BSN: variants seen among roughly 807,000 people sequenced by gnomAD.
BSN encodes the protein bassoon presynaptic cytomatrix protein.
A neutral mutation model predicts 264.8 loss-of-function variants in BSN; 57 were observed. The observed-to-expected ratio is 0.22, with a 90% confidence interval of 0.17 to 0.27. BSN has a LOEUF of 0.27. BSN is among the 10% of genes least tolerant of loss of function. The pLI, the probability that BSN is intolerant of heterozygous loss-of-function variation, is 1.00. For synonymous variants in BSN, 2,059 were observed against 2,137.3 expected (o/e 0.96, Z 1.01); for missense variants, 4,615 against 5,232.5 (o/e 0.88, Z 3.64).
Position 49,654,725 on chromosome 3 carries a change from T to C in BSN, c.5169T>C (p.His1723=), listed in dbSNP as rs146032194. The change falls in exon 5 of 12, where the codon CAT becomes CAC. Residue 1723 remains histidine (H), a synonymous_variant. Transcript: ENST00000296452. This position sits in a 1 kb window ranked among gnomAD's most constrained non-coding sequence, Gnocchi z 4.1. ...TTATCAACCTCAATGCCCAGGAGCA[T>C]ACCTTCCTTGCTACTGCCACCACCG... is the stretch of plus-strand genomic sequence containing the variant. ...PLVINLNAQE[H]TFLATATTVS... is the part of the protein sequence containing the mutation. 275 of 1,613,410 alleles carry C rather than the reference T, an allele frequency of 1.7e-4. No individual in the cohort carries two copies. The highest frequency in any genetic ancestry group is 2.3e-4 in the Non-Finnish European group (266 of 1,179,964).
At chr3:49,603,353 T>G (rs1157832765) in intron 1 of BSN, among the ~76,000 whole-genome samples, 1 of 152,208 alleles carries the variant, frequency 6.6e-6, no homozygotes, top group East Asian at 1.9e-4. Context: ...GTTGAAGTGG[T>G]GGTGAGCAGA....
intron 1 of BSN, among the ~76,000 whole-genome samples, chr3:49,575,801 T>C (rs1343755139): frequency 6.6e-6 from 1 of 151,786 alleles, no homozygotes; most frequent in African/African-American, 2.4e-5. Context: ...CAACTTCCAC[T>C]GCCCCTTCCT....
rs377205442 is a variant in BSN at position 49,586,992 on chromosome 3, T to G, written c.224+32166T>G. On this transcript the variant is annotated intron_variant, in intron 1 of 11. Coordinates refer to ENST00000296452, the MANE Select transcript of BSN (RefSeq NM_003458.4). ...GATTGCTTTTAATTTGTAGATTGCT[T>G]TGGGTAGTATGGACATTTAAACAAT... is the stretch of plus-strand genomic sequence containing the variant. 1.1e-4 allele frequency among the ~76,000 whole-genome samples: 17 copies of G among 152,294 alleles called. No individual in the cohort carries two copies. In the East Asian group the frequency reaches 2.3e-3, roughly 21 times the overall value.
In BSN at chr3:49,654,080, G is replaced by A. The variant is rs894148733; in HGVS notation, c.4524G>A (p.Thr1508=). 1.2e-5 allele frequency: 19 copies of A among 1,613,628 alleles called. No individual in the cohort carries two copies. In the East Asian group the frequency reaches 1.6e-4, roughly 13 times the overall value. The change falls in exon 5 of 12, where the codon ACG becomes ACA. Residue 1508 remains threonine, a synonymous_variant. Coordinates refer to ENST00000296452, the MANE Select transcript of BSN (RefSeq NM_003458.4). The surrounding 1 kb of genome is among the most constrained non-coding windows in gnomAD (Gnocchi z 4.1). ...PRATAEFSTQ[T]PSPAPASDMP... The stretch of plus-strand genomic sequence containing the variant: ...CCACAGCAGAGTTCTCTACACAGAC[G>A]CCAAGTCCAGCCCCTGCCTCAGACA...
In BSN at chr3:49,605,536, ATATTATATATATTTTATAT is replaced by A. The variant is rs1194867065; in HGVS notation, c.225-19438_225-19420del. On this transcript the variant is annotated intron_variant, in intron 1 of 11. Transcript: ENST00000296452. ...ATAATATATATATAATATATAATAT[ATATTATATATATTTTATAT>A]AATATATATTATATATTATATATAT... Among the ~76,000 whole-genome samples the A allele has an allele frequency of 1.9e-3, 13 of 6,756 alleles. 3 individuals are homozygous for A. Among genetic ancestry groups the A allele is most frequent in the African/African-American group, 1.0e-2 (13 of 1,302 alleles). The allele number at this position is 6,756 out of a possible 152,430, so 4.4% of individuals were successfully genotyped here.
chr3:49,642,436 G>A lies in BSN; in HGVS notation c.802G>A (p.Gly268Ser). The stretch of plus-strand genomic sequence containing the variant: ...GAAGCCAGACCAAGAGAGATCTCGG[G>A]GCCCAGGAGGACCACAGCCTGGGTC... ...LGKPDQERSR[G>S]PGGPQPGSRQ... The change falls in exon 3 of 12, where the codon GGC becomes AGC. Residue 268 changes from glycine (G) to serine (S), a missense_variant. Coordinates refer to ENST00000296452, the MANE Select transcript of BSN (RefSeq NM_003458.4). This position sits in a 1 kb window ranked among gnomAD's most constrained non-coding sequence, Gnocchi z 7.0. 3 of 1,597,934 alleles carry A rather than the reference G, an allele frequency of 1.9e-6. No individual in the cohort carries two copies. The highest frequency in any genetic ancestry group is 2.6e-6 in the Non-Finnish European group (3 of 1,172,732).
chr3:49,626,217 A>G (rs943008102), intron 2 of BSN, among the ~76,000 whole-genome samples: 1 of 151,310 alleles, frequency 6.6e-6, no homozygotes, highest in African/African-American at 2.4e-5. Context: ...ATTTCCTCCT[A>G]CTCCTCTGGG....
rs372273784 is a variant in BSN at position 49,662,160 on chromosome 3, G to A, written c.10315G>A (p.Gly3439Arg). ...AGTGGAGGACGACCGCATTTATGGC[G>A]GGAGCAGCCGGTCCCGGGCACCTTC... ...DAVEDDRIYGGSSRSRAPSAY... is the reference protein window; with the variant it reads ...DAVEDDRIYGRSSRSRAPSAY... Residue 3439 changes from glycine (G) to arginine (R), a missense_variant, in exon 6 of 12, where the codon GGG (glycine) becomes AGG (arginine). Physicochemically the swap from Gly to Arg is moderately radical, Grantham distance 125. Around this residue, in one of 3 missense-constraint regions of BSN, gnomAD observed 3,415 missense variants for 3,866.4 expected, o/e 0.88. Transcript: ENST00000296452. The A allele has an allele frequency of 6.9e-5, 111 of 1,612,408 alleles. No homozygotes were observed. The highest frequency in any genetic ancestry group is 9.3e-5 in the African/African-American group (7 of 75,048).
intron 1 of BSN, among the ~76,000 whole-genome samples, chr3:49,616,270 C>G (rs1431959653): frequency 6.6e-6 from 1 of 152,192 alleles, no homozygotes; most frequent in Non-Finnish European, 1.5e-5. Context: ...GACACTGGAC[C>G]TGGCCCCAGC....
intron 3 of BSN, among the ~76,000 whole-genome samples, chr3:49,649,183 A>G (rs1198759647): frequency 6.6e-6 from 1 of 152,244 alleles, no homozygotes. Flanking sequence ...CAAGGCTGCC[A>G]GAGGCAGCAT....
At chr3:49,667,260 G>A (rs1220916316) in intron 11 of BSN, among the ~76,000 whole-genome samples, 1 of 151,152 alleles carries the variant, frequency 6.6e-6, no homozygotes, top group African/African-American at 2.4e-5. Flanking sequence ...GATGGGCTTG[G>A]AGAGGTTTGC....
chr3:49,609,644 G>A (rs2108044291), intron 1 of BSN, among the ~76,000 whole-genome samples: 1 of 152,282 alleles, frequency 6.6e-6, no homozygotes, highest in East Asian at 1.9e-4. Flanking sequence ...GTGGGATTAG[G>A]TGGGAAGAGT....
intron 1 of BSN, among the ~76,000 whole-genome samples, chr3:49,556,516 G>A (rs2051673286): frequency 6.6e-6 from 1 of 152,204 alleles, no homozygotes; most frequent in Non-Finnish European, 1.5e-5. Flanking sequence ...TTACCTGGCT[G>A]TGGGCAAGGC....
intron 1 of BSN, among the ~76,000 whole-genome samples, chr3:49,600,831 G>C (rs2052068268): frequency 6.6e-6 from 1 of 152,062 alleles, no homozygotes; most frequent in South Asian, 2.1e-4. Flanking sequence ...AATAAAGGTG[G>C]CAGAGGAACC....
rs2108030722 is a variant in BSN at position 49,598,779 on chromosome 3, C to G, written c.225-26196C>G. ...ACTGTGTACGAAGCAAAGATATACT[C>G]TCACTATTGTTATTCAACATAGTAA... On this transcript the variant is annotated intron_variant, in intron 1 of 11. Coordinates refer to ENST00000296452, the MANE Select transcript of BSN (RefSeq NM_003458.4). Among the ~76,000 whole-genome samples the G allele has an allele frequency of 1.3e-5, 2 of 152,274 alleles. 1 individual carries two copies. The highest frequency in any genetic ancestry group is 4.1e-4 in the South Asian group (2 of 4,834).
intron 1 of BSN, among the ~76,000 whole-genome samples, chr3:49,598,501 T>C (rs895400575): frequency 6.6e-6 from 1 of 152,188 alleles, no homozygotes; most frequent in Non-Finnish European, 1.5e-5. Context: ...CTTTGACCAG[T>C]CAGATTTTTG....
In BSN at chr3:49,598,114, A is replaced by T. The variant is rs138484929; in HGVS notation, c.225-26861A>T. Among the ~76,000 whole-genome samples, 761 of 152,258 alleles carry T rather than the reference A, an allele frequency of 5.0e-3. 10 individuals are homozygous for T. Among genetic ancestry groups the T allele is most frequent in the African/African-American group, 0.017 (691 of 41,534 alleles). On this transcript the variant is annotated intron_variant, in intron 1 of 11. Coordinates refer to ENST00000296452, the MANE Select transcript of BSN (RefSeq NM_003458.4). The stretch of plus-strand genomic sequence containing the variant: ...AATTGTTGCTTTGAAGTCTTTGCTG[A>T]GTTCAACATCTAGACTCAGAAACAG...
chr3:49,577,908 T>C (rs1277946716), intron 1 of BSN, among the ~76,000 whole-genome samples: 1 of 152,188 alleles, frequency 6.6e-6, no homozygotes, highest in East Asian at 1.9e-4. Context: ...CCTGTGTGGT[T>C]GTTAGGCAGG....
Position 49,654,469 on chromosome 3 carries a change from A to G in BSN, c.4913A>G (p.Glu1638Gly), listed in dbSNP as rs2052576765. The change falls in exon 5 of 12, where the codon GAG becomes GGG. Residue 1638 changes from glutamate (E) to glycine (G), a missense_variant. Glu to Gly is a moderately conservative substitution (Grantham distance 98, BLOSUM62 -2). Coordinates refer to ENST00000296452, the MANE Select transcript of BSN (RefSeq NM_003458.4). The surrounding 1 kb of genome is among the most constrained non-coding windows in gnomAD (Gnocchi z 4.1). ...TATGGCTGGGGTGCCCTCCCTGCTG[A>G]GAACATCTCCCTGTGCCGGATCTCC... is the stretch of plus-strand genomic sequence containing the variant. Reference protein sequence around the residue: ...ALYGWGALPAENISLCRISSV... With the variant: ...ALYGWGALPAGNISLCRISSV... 1 of 1,608,526 alleles carries G rather than the reference A, an allele frequency of 6.2e-7. No individual in the cohort carries two copies. The highest frequency in any genetic ancestry group is 1.3e-5 in the African/African-American group (1 of 74,854).
Sources: gnomAD v4.1 joint callset for allele counts (sites outside exome capture counted in the v4.1 genomes callset) on GRCh38, gnomAD v4.1.1 for gene constraint, gnomAD v4.1.1 regional missense constraint, Gnocchi (gnomAD v3.1) non-coding constraint, MANE v1.5 for transcripts, NCBI Gene and HGNC (gene_info 2026-07-23, HGNC 2026-07-21) for gene names.